Variants in PTPRG observed in about 807,000 individuals in gnomAD.
The protein encoded by PTPRG is receptor-type tyrosine-protein phosphatase gamma.
PTPRG carries 102 observed loss-of-function variants against 165.3 expected under a neutral mutation model. That is an observed-to-expected ratio of 0.62 (90% confidence interval 0.53 to 0.73). The LOEUF is 0.73. Among genes scored for constraint, PTPRG ranks in the 30% least tolerant of loss-of-function variants. The pLI is 0.00. For synonymous variants in PTPRG, 675 were observed against 669.5 expected (o/e 1.01, Z -0.13); for missense variants, 1,866 against 1,861.4 (o/e 1.00, Z -0.05).
At chr3:62,194,640 T>TAAAAATAC (rs1177109434) in intron 9 of PTPRG, among the ~76,000 whole-genome samples, 5 of 151,972 alleles carry the variant, frequency 3.3e-5, no homozygotes, top group Non-Finnish European at 5.9e-5. Context: ...CCGTCTCTAC[T>TAAAAATAC]AAAAATACAA....
intron 4 of PTPRG, among the ~76,000 whole-genome samples, chr3:62,069,655 C>G (rs1701136737): frequency 8.4e-6 from 1 of 119,310 alleles, no homozygotes; most frequent in Admixed American, 8.3e-5. Flanking sequence ...CTCTCTCTCT[C>G]TCTCTCTCTC....
intron 16 of PTPRG, 43 bp from the exon 17 acceptor site, chr3:62,262,755 T>C: frequency 6.8e-7 from 1 of 1,476,854 alleles, no homozygotes; most frequent in Non-Finnish European, 9.4e-7. Context: ...GGTGTTCCTT[T>C]GTTTCTAAAC....
chr3:62,033,687 A>G (rs2107787908), intron 4 of PTPRG, among the ~76,000 whole-genome samples: 1 of 152,144 alleles, frequency 6.6e-6, no homozygotes, highest in East Asian at 1.9e-4. Context: ...TTTGGAGTGG[A>G]TGCAAATTAC....
chr3:61,701,695 C>T (rs959825644), intron 1 of PTPRG, among the ~76,000 whole-genome samples: 2 of 152,082 alleles, frequency 1.3e-5, no homozygotes, highest in Admixed American at 6.6e-5. Flanking sequence ...CCCAAGAGTT[C>T]AGGACCAGCC....
chr3:62,053,890 A>G (rs1263404428), intron 4 of PTPRG, among the ~76,000 whole-genome samples: 1 of 152,130 alleles, frequency 6.6e-6, no homozygotes, highest in Non-Finnish European at 1.5e-5. Context: ...GCAGTGCAAA[A>G]TTTTTTAAAC....
intron 2 of PTPRG, among the ~76,000 whole-genome samples, chr3:61,849,979 C>T (rs1190840370): frequency 2.0e-5 from 3 of 151,992 alleles, no homozygotes; most frequent in African/African-American, 7.2e-5. Context: ...TTTCTCTGGG[C>T]GAAAAGTTGA....
chr3:61,592,192 C>T (rs1700585676), intron 1 of PTPRG, among the ~76,000 whole-genome samples: 1 of 152,040 alleles, frequency 6.6e-6, no homozygotes, highest in African/African-American at 2.4e-5. Flanking sequence ...GTCTCGAACT[C>T]CCAACCTCAG....
chr3:61,597,032 T>C (rs1245124730), intron 1 of PTPRG, among the ~76,000 whole-genome samples: 15 of 152,124 alleles, frequency 9.9e-5, no homozygotes, highest in Non-Finnish European at 1.3e-4. Context: ...GTGAGGGTCT[T>C]CTCGCTGTGT....
At chr3:62,071,883 T>C (rs550674015) in intron 4 of PTPRG, among the ~76,000 whole-genome samples, 11 of 152,330 alleles carry the variant, frequency 7.2e-5, no homozygotes, top group African/African-American at 2.6e-4. Context: ...TGAATCATAG[T>C]ACAGTACCTA....
chr3:62,139,938 G>T (rs1240914010), intron 6 of PTPRG, among the ~76,000 whole-genome samples: 2 of 152,246 alleles, frequency 1.3e-5, no homozygotes, highest in Non-Finnish European at 2.9e-5. Flanking sequence ...TTTCCAGAGA[G>T]TGGAGAAAGC....
intron 1 of PTPRG, among the ~76,000 whole-genome samples, chr3:61,663,106 A>C (rs537865841): frequency 5.3e-5 from 8 of 152,330 alleles, no homozygotes; most frequent in African/African-American, 1.9e-4. Context: ...CAACATGGCG[A>C]AACTGTCTCT....
chr3:61,614,692 G>A (rs974868615), intron 1 of PTPRG, among the ~76,000 whole-genome samples: 6 of 152,248 alleles, frequency 3.9e-5, no homozygotes, highest in Admixed American at 6.5e-5. Flanking sequence ...GATTACAGGC[G>A]TGAGCCACTG....
chr3:62,097,285 G>C (rs1194520823), intron 5 of PTPRG, among the ~76,000 whole-genome samples: 2 of 152,142 alleles, frequency 1.3e-5, no homozygotes, highest in East Asian at 1.9e-4. Flanking sequence ...GTGAGAATGT[G>C]ACTCCTATTA....
chr3:62,265,611 T>G (rs1356994463), intron 17 of PTPRG, among the ~76,000 whole-genome samples: 1 of 152,140 alleles, frequency 6.6e-6, no homozygotes, highest in African/African-American at 2.4e-5. Context: ...TAGGATTGTT[T>G]GTTCTACTTT....
At chr3:61,884,092 GACATTTATAGTC>G (rs1332185698) in intron 2 of PTPRG, among the ~76,000 whole-genome samples, 1 of 152,150 alleles carries the variant, frequency 6.6e-6, no homozygotes, top group Non-Finnish European at 1.5e-5. Context: ...ACATACTTAG[GACATTTATAGTC>G]ACCTCTTTCT....
intron 1 of PTPRG, among the ~76,000 whole-genome samples, chr3:61,645,479 G>C (rs1575560403): frequency 6.6e-6 from 1 of 152,214 alleles, no homozygotes; most frequent in East Asian, 1.9e-4. Flanking sequence ...ATCTGTCCCA[G>C]ACTTTGGATT....
intron 2 of PTPRG, among the ~76,000 whole-genome samples, chr3:61,855,421 C>G (rs1382357705): frequency 6.6e-6 from 1 of 152,128 alleles, no homozygotes; most frequent in Admixed American, 6.6e-5. Flanking sequence ...CCTTCCAAAA[C>G]AGCAGGATTC....
chr3:61,911,672 C>A (rs1181603820), intron 2 of PTPRG, among the ~76,000 whole-genome samples: 1 of 152,106 alleles, frequency 6.6e-6, no homozygotes, highest in African/African-American at 2.4e-5. Context: ...GCATTGTTTT[C>A]AATTTCATTA....
intron 2 of PTPRG, among the ~76,000 whole-genome samples, chr3:61,760,630 T>C (rs1465096641): frequency 1.3e-5 from 2 of 152,290 alleles, no homozygotes; most frequent in East Asian, 3.9e-4. Context: ...AGTTCAGGGG[T>C]ACTTGTACAG....
Sources: gnomAD v4.1 joint callset for allele counts (sites outside exome capture counted in the v4.1 genomes callset) on GRCh38, gnomAD v4.1.1 for gene constraint, MANE v1.5 for transcripts, NCBI Gene and HGNC (gene_info 2026-07-23, HGNC 2026-07-21) for gene names.